The following DMD variants were observed in gnomAD, a reference collection of about 807,000 sequenced individuals.
DMD encodes the protein dystrophin.
Under a neutral mutation model 330.1 loss-of-function variants are expected in DMD, and 63 were observed. The observed-to-expected ratio is 0.19, with a 90% CI of 0.16 to 0.24. The LOEUF (loss-of-function observed/expected upper bound fraction) is 0.24. Ranked by LOEUF, DMD falls within the 10% of genes least tolerant of loss-of-function variation. The probability of loss-of-function intolerance (pLI) is 1.00; values close to 1 mark genes in which losing one functional copy is unlikely to be tolerated. For missense variants in DMD, 3,344 were observed against 2,684.1 expected (o/e 1.25, Z -5.43); for synonymous variants, 1,223 against 959.8 (o/e 1.27, Z -5.07).
chrX:32,798,635 T>G (rs1050975542), intron 7 of DMD, among the ~76,000 whole-genome samples: 3 of 111,838 alleles, frequency 2.7e-5, no homozygotes, highest in Middle Eastern at 4.3e-3. Context: ...AATATTTTCT[T>G]AAATATATTT....
At chrX:31,444,705 T>G in intron 59 of DMD, 78 bp from the exon 60 acceptor site, 1 of 1,062,637 alleles carries the variant, frequency 9.4e-7, no homozygotes, top group Non-Finnish European at 1.3e-6. Context: ...GCTTATTCTC[T>G]TTAGGGTGCA....
intron 13 of DMD, among the ~76,000 whole-genome samples, chrX:32,591,682 C>T (rs1007934200): frequency 8.9e-6 from 1 of 112,159 alleles, no homozygotes; most frequent in Non-Finnish European, 1.9e-5. Context: ...CTGTGTGGAG[C>T]CACCAAGGGC....
intron 2 of DMD, among the ~76,000 whole-genome samples, chrX:32,943,507 G>T (rs1026542981): frequency 2.7e-5 from 3 of 111,031 alleles, no homozygotes; most frequent in African/African-American, 9.8e-5. Flanking sequence ...GCAATCACCT[G>T]TAAAATTTTA....
At chrX:31,222,151 G>A (rs1220240650) in intron 64 of DMD, among the ~76,000 whole-genome samples, 5 of 109,476 alleles carry the variant, frequency 4.6e-5, no homozygotes, top group East Asian at 5.7e-4. Context: ...AGCCTAGAAC[G>A]CGCCACTGCA....
chrX:32,496,390 G>A (rs2043487477), intron 19 of DMD, among the ~76,000 whole-genome samples: 1 of 111,860 alleles, frequency 8.9e-6, no homozygotes, highest in South Asian at 3.7e-4. Context: ...CAAAACCTGT[G>A]AAGACAAGTT....
At chrX:33,269,842 T>C (rs2053122325) in intron 1 of DMD, among the ~76,000 whole-genome samples, 1 of 111,061 alleles carries the variant, frequency 9.0e-6, no homozygotes, top group Non-Finnish European at 1.9e-5. Context: ...TATGCCTTAG[T>C]GATGTTTGCA....
chrX:33,101,539 G>A (rs1418804567), intron 1 of DMD, among the ~76,000 whole-genome samples: 1 of 111,955 alleles, frequency 8.9e-6, no homozygotes, highest in South Asian at 3.7e-4. Flanking sequence ...GCTAAGGCAG[G>A]AGAATCGCTT....
intron 16 of DMD, among the ~76,000 whole-genome samples, chrX:32,558,933 A>ATTTTCTTTTTTTTTTTTT (rs1569199341): frequency 1.4e-4 from 9 of 64,312 alleles, no homozygotes; most frequent in African/African-American, 6.6e-4. Context: ...GTAACTTCAA[A>ATTTTCTTTTTTTTTTTTT]TTTTCTTTTT....
At chrX:31,488,970 G>C (rs1281515380) in intron 57 of DMD, among the ~76,000 whole-genome samples, 1 of 111,678 alleles carries the variant, frequency 9.0e-6, no homozygotes, top group East Asian at 2.8e-4. Context: ...CCTCTTTCTA[G>C]AACCTATCAC....
At chrX:31,251,623 A>T (rs1033974190) in intron 63 of DMD, among the ~76,000 whole-genome samples, 3 of 112,511 alleles carry the variant, frequency 2.7e-5, no homozygotes, top group African/African-American at 9.7e-5. Flanking sequence ...TAGAGGGTAC[A>T]GACTTTAAAA....
intron 50 of DMD, among the ~76,000 whole-genome samples, chrX:31,788,667 T>C (rs895417840): frequency 1.9e-4 from 21 of 111,431 alleles, no homozygotes; most frequent in Middle Eastern, 4.6e-3. Context: ...GAATTTGGGG[T>C]AGAAGTCCCC....
At chrX:31,569,952 C>T (rs1157365600) in intron 55 of DMD, among the ~76,000 whole-genome samples, 2 of 110,543 alleles carry the variant, frequency 1.8e-5, no homozygotes, top group Non-Finnish European at 3.8e-5. Flanking sequence ...CTCTTCTGTA[C>T]GCATGAGAGA....
chrX:32,348,211 G>A (rs774375512), intron 38 of DMD, among the ~76,000 whole-genome samples, 195 bp downstream of exon 38: 3 of 111,283 alleles, frequency 2.7e-5, no homozygotes, highest in African/African-American at 9.8e-5. Flanking sequence ...AACCGTAAGT[G>A]CTCCTATATT....
At chrX:32,120,984 A>G (rs935014630) in intron 44 of DMD, among the ~76,000 whole-genome samples, 1 of 112,398 alleles carries the variant, frequency 8.9e-6, no homozygotes, top group Non-Finnish European at 1.9e-5. Context: ...AGGCATTATT[A>G]GTATTGGAGT....
chrX:32,526,639 C>A (rs1207559354), intron 17 of DMD, among the ~76,000 whole-genome samples: 1 of 111,333 alleles, frequency 9.0e-6, no homozygotes, highest in Admixed American at 9.6e-5. Context: ...TTAATTACAT[C>A]CCATATGGTA....
intron 7 of DMD, among the ~76,000 whole-genome samples, chrX:32,786,639 G>T (rs973713905): frequency 2.7e-5 from 3 of 111,735 alleles, no homozygotes; most frequent in African/African-American, 9.8e-5. Context: ...TGATGGATGT[G>T]CATCCAATTA....
chrX:32,179,384 C>G (rs1043967328), intron 44 of DMD, among the ~76,000 whole-genome samples: 3 of 111,597 alleles, frequency 2.7e-5, no homozygotes, highest in Non-Finnish European at 5.6e-5. Flanking sequence ...TCAAAGGTAA[C>G]TTGAACATGT....
intron 60 of DMD, among the ~76,000 whole-genome samples, chrX:31,361,646 T>G (rs1167247133): frequency 2.7e-5 from 3 of 111,584 alleles, no homozygotes; most frequent in African/African-American, 9.8e-5. Context: ...TGAACAGGTA[T>G]TTTGCATGCC....
intron 6 of DMD, among the ~76,000 whole-genome samples, 168 bp from the exon 7 acceptor site, chrX:32,809,779 A>T (rs2077208451): frequency 9.1e-6 from 1 of 109,814 alleles, no homozygotes; most frequent in Admixed American, 9.8e-5. Flanking sequence ...TTAAACAAGT[A>T]ATAATTTTAA....
Sources: allele counts gnomAD v4.1 joint callset (sites outside exome capture counted in the v4.1 genomes callset), GRCh38; gene constraint gnomAD v4.1.1; transcripts MANE v1.5; gene names NCBI Gene and HGNC (gene_info 2026-07-23, HGNC 2026-07-21).